Variants in CHORDC1 observed in about 807,000 individuals in gnomAD.
CHORDC1 encodes the protein cysteine and histidine-rich domain-containing protein 1.
Under a neutral mutation model 48.3 loss-of-function variants are expected in CHORDC1, and 25 were observed. That is an observed-to-expected ratio of 0.52 (90% CI 0.38 to 0.72). The LOEUF is 0.72. Among genes scored for constraint, CHORDC1 ranks in the 30% least tolerant of loss-of-function variants. The probability of loss-of-function intolerance (pLI) is 0.00; values close to 1 mark genes in which losing one functional copy is unlikely to be tolerated. For synonymous variants in CHORDC1, 128 were observed against 126.4 expected, an observed-to-expected ratio of 1.01 and a Z score of -0.09; for missense variants, 317 against 388.7, an observed-to-expected ratio of 0.82 and a Z score of 1.55.
intron 3 of CHORDC1, among the ~76,000 whole-genome samples, chr11:90,214,731 C>A (rs946930636): frequency 6.6e-6 from 1 of 152,044 alleles, no homozygotes; most frequent in Admixed American, 6.6e-5. Flanking sequence ...ATTATACATA[C>A]TCTTTAACAC....
intron 3 of CHORDC1, among the ~76,000 whole-genome samples, chr11:90,214,628 T>G (rs1180588693): frequency 1.3e-5 from 2 of 152,060 alleles, no homozygotes; most frequent in African/African-American, 2.4e-5. Context: ...GGTAAGATAT[T>G]TTCTGAGAGA....
At chr11:90,216,439 G>C (rs987942453) in intron 2 of CHORDC1, 1 of 266,016 alleles carries the variant, frequency 3.8e-6, no homozygotes, top group Non-Finnish European at 7.4e-6. Flanking sequence ...TATTTCTTTT[G>C]TCAATGCAAT....
Position 90,210,603 on chromosome 11 carries a change from A to C in CHORDC1, c.434-9T>G, listed in dbSNP as rs1857832969. The C allele has an allele frequency of 6.5e-7, 1 of 1,540,194 alleles. No homozygotes were observed. The highest frequency in any genetic ancestry group is 1.2e-5 in the South Asian group (1 of 86,598). On this transcript the variant is annotated splice_polypyrimidine_tract_variant and intron_variant, in intron 5 of 10. Transcript: ENST00000320585. ...TTCATCATTGTCTTCTTCTGTAACA[A>C]AGAAAAAAAAATCAAATTAAAAAGT...
intron 1 of CHORDC1, chr11:90,222,422 G>A (rs1413840189): frequency 2.9e-6 from 1 of 348,204 alleles, no homozygotes; most frequent in South Asian, 2.1e-5. Context: ...ACAAGGCAGA[G>A]CTTACATGCT....
chr11:90,217,537 TA>T (rs1858045733), intron 2 of CHORDC1, among the ~76,000 whole-genome samples: 1 of 152,198 alleles, frequency 6.6e-6, no homozygotes, highest in African/African-American at 2.4e-5. Context: ...GAGCTGTTAT[TA>T]GCCAGTAGTG....
Position 90,202,878 on chromosome 11 carries a change from G to A in CHORDC1, c.790-3C>T, listed in dbSNP as rs747943796. 6.1e-5 allele frequency: 97 copies of A among 1,591,854 alleles called. No homozygotes were observed. The South Asian group carries it at 1.1e-3, about 18-fold the overall frequency. On this transcript the variant is annotated splice_polypyrimidine_tract_variant and splice_region_variant and intron_variant, in intron 9 of 10. Coordinates refer to ENST00000320585, the MANE Select transcript of CHORDC1 (RefSeq NM_012124.3). ...TCAAATACAATATGCACATTTAACT[G>A]AAAAAGATATACACAGTTAATTGAT...
At chr11:90,206,807 G>T in intron 6 of CHORDC1, 5 of 1,281,390 alleles carry the variant, frequency 3.9e-6, no homozygotes, top group Non-Finnish European at 5.1e-6. Flanking sequence ...TGTAGATGGA[G>T]GCTCTACAGA....
At chr11:90,207,116 T>C (rs1417632489) in intron 6 of CHORDC1, 1 of 208,332 alleles carries the variant, frequency 4.8e-6, no homozygotes, top group African/African-American at 2.3e-5. Flanking sequence ...TTCGTTCCTC[T>C]TCAGCATCTC....
chr11:90,217,684 G>A (rs1429543643), intron 2 of CHORDC1: 1 of 152,234 alleles, frequency 6.6e-6, no homozygotes, highest in East Asian at 1.9e-4. Flanking sequence ...TGGATCATCT[G>A]AGGTCAGGAG....
At chr11:90,213,977 T>C (rs765786543) in intron 4 of CHORDC1, 41 bp downstream of exon 4, 3 of 1,501,828 alleles carry the variant, frequency 2.0e-6, no homozygotes, top group Non-Finnish European at 2.7e-6. Flanking sequence ...CAAGTGCTAC[T>C]ATTCAAGTGT....
chr11:90,220,809 T>C (rs1168696010), intron 1 of CHORDC1, among the ~76,000 whole-genome samples: 1 of 152,176 alleles, frequency 6.6e-6, no homozygotes, highest in Non-Finnish European at 1.5e-5. Context: ...ACATTGGGTC[T>C]GACCCTGGCT....
At chr11:90,203,253 A>G (rs766864128) in intron 9 of CHORDC1, 55 bp downstream of exon 9, 1 of 1,457,628 alleles carries the variant, frequency 6.9e-7, no homozygotes, top group Non-Finnish European at 9.4e-7. Flanking sequence ...ATACAGTAAC[A>G]TAAAGAATGA....
At chr11:90,204,154 T>A (rs1376288867) in intron 8 of CHORDC1, among the ~76,000 whole-genome samples, 1 of 152,132 alleles carries the variant, frequency 6.6e-6, no homozygotes, top group Non-Finnish European at 1.5e-5. Context: ...TATATATCAC[T>A]CACATTTTTC....
At chr11:90,222,812 G>T in intron 1 of CHORDC1, 79 bp downstream of exon 1, 1 of 1,316,922 alleles carries the variant, frequency 7.6e-7, no homozygotes, top group Non-Finnish European at 1.1e-6. Context: ...CAGGAGATCC[G>T]CGGACACCCT....
At chr11:90,210,202 T>A (rs1402368668) in intron 6 of CHORDC1, among the ~76,000 whole-genome samples, 4 of 152,226 alleles carry the variant, frequency 2.6e-5, no homozygotes, top group African/African-American at 9.6e-5. Context: ...AATATCTAAC[T>A]ACCTATTTGT....
At chr11:90,214,321 C>T in intron 3 of CHORDC1, 146 bp from the exon 4 acceptor site, 1 of 685,106 alleles carries the variant, frequency 1.5e-6, no homozygotes, top group Non-Finnish European at 2.2e-6. Context: ...AAAAACAGAA[C>T]TCCAAATTTG....
At position 90,202,588 on chromosome 11, in the gene CHORDC1, T is replaced by C. The variant is rs200083623; in HGVS notation, c.853-37A>G. 3.8e-3 allele frequency: 6,014 copies of C among 1,598,852 alleles called. 43 individuals are homozygous for C. The highest frequency in any genetic ancestry group is 0.019 in the South Asian group (1,696 of 89,176). ...CAAAGAGAATTACAGGAAACCTCAG[T>C]AGTTTTATTAGTCTCAGAGGAAAAC... On this transcript the variant is annotated intron_variant, in intron 10 of 10. Transcript: ENST00000320585.
At chr11:90,208,452 AT>A (rs1348239329) in intron 6 of CHORDC1, 1 of 152,170 alleles carries the variant, frequency 6.6e-6, no homozygotes, top group African/African-American at 2.4e-5. Flanking sequence ...TCATAATAGC[AT>A]TATTAAAAAC....
At chr11:90,204,164 C>G (rs1363648942) in intron 8 of CHORDC1, among the ~76,000 whole-genome samples, 1 of 151,976 alleles carries the variant, frequency 6.6e-6, no homozygotes, top group South Asian at 2.1e-4. Context: ...TCACATTTTT[C>G]CCCTTAGCTA....
Sources: allele counts gnomAD v4.1 joint callset (sites outside exome capture counted in the v4.1 genomes callset), GRCh38; gene constraint gnomAD v4.1.1; transcripts MANE v1.5; gene names NCBI Gene and HGNC (gene_info 2026-07-23, HGNC 2026-07-21).